The following CNTNAP5 variants were observed in gnomAD, a reference collection of about 807,000 sequenced individuals.
CNTNAP5 encodes contactin-associated protein-like 5.
CNTNAP5 carries 72 observed loss-of-function variants against 150.2 expected under a neutral mutation model. That is an observed-to-expected ratio of 0.48 (90% CI 0.40 to 0.58). CNTNAP5 has a LOEUF of 0.58. CNTNAP5 is among the 20% of genes least tolerant of loss of function. The probability of loss-of-function intolerance (pLI) is 0.00; values close to 1 mark genes in which losing one functional copy is unlikely to be tolerated. For synonymous variants in CNTNAP5, 672 were observed against 619.8 expected (o/e 1.08, Z -1.25); for missense variants, 1,636 against 1,626.2 (o/e 1.01, Z -0.10).
chr2:124,770,901 A>C (rs1024810041), intron 16 of CNTNAP5, among the ~76,000 whole-genome samples: 1 of 152,178 alleles, frequency 6.6e-6, no homozygotes. Context: ...TTTTATTCCC[A>C]TTTTACAGAC....
intron 1 of CNTNAP5, among the ~76,000 whole-genome samples, chr2:124,046,017 C>A (rs1441926802): frequency 6.6e-6 from 1 of 152,120 alleles, no homozygotes; most frequent in Non-Finnish European, 1.5e-5. Context: ...GCATCCATGA[C>A]CCAGAAAAGA....
chr2:124,785,298 G>T (rs1479438676), intron 17 of CNTNAP5, among the ~76,000 whole-genome samples: 1 of 152,188 alleles, frequency 6.6e-6, no homozygotes, highest in Non-Finnish European at 1.5e-5. Flanking sequence ...TATCTTAAAG[G>T]AGCTGACCCC....
At chr2:124,330,805 T>C (rs1689332881) in intron 3 of CNTNAP5, among the ~76,000 whole-genome samples, 1 of 152,136 alleles carries the variant, frequency 6.6e-6, no homozygotes, top group Non-Finnish European at 1.5e-5. Flanking sequence ...TTTACAAAAG[T>C]ATATATTACC....
At chr2:124,453,244 A>T (rs1424852537) in intron 6 of CNTNAP5, among the ~76,000 whole-genome samples, 1 of 152,196 alleles carries the variant, frequency 6.6e-6, no homozygotes, top group African/African-American at 2.4e-5. Flanking sequence ...TGCTCTCAAA[A>T]TTCTCAGCAA....
At chr2:124,442,449 T>G (rs1276196169) in intron 5 of CNTNAP5, among the ~76,000 whole-genome samples, 2 of 152,206 alleles carry the variant, frequency 1.3e-5, no homozygotes, top group Non-Finnish European at 2.9e-5. Flanking sequence ...ACAATCTATT[T>G]CACTAAATAA....
At chr2:124,663,262 G>A (rs191242618) in intron 13 of CNTNAP5, among the ~76,000 whole-genome samples, 3 of 152,118 alleles carry the variant, frequency 2.0e-5, no homozygotes, top group Admixed American at 6.6e-5. Flanking sequence ...CTGCCCAGAC[G>A]CCAGTTAGAC....
chr2:124,271,586 C>A lies in CNTNAP5; in HGVS notation c.381+29193C>A, dbSNP rs191649964. 2.0e-5 allele frequency among the ~76,000 whole-genome samples: 3 copies of A among 152,212 alleles called. No homozygotes were observed. In the East Asian group the frequency reaches 5.8e-4, roughly 29 times the overall value. ...TCAGGGTCTCTCTGAAGTTATACTT[C>A]TTAGGTTTTCATCAGAAAAACTTTG... On this transcript the variant is annotated intron_variant, in intron 3 of 23. Coordinates refer to ENST00000682447, the MANE Select transcript of CNTNAP5 (RefSeq NM_001367498.1).
At chr2:124,239,503 C>T (rs1057237626) in intron 2 of CNTNAP5, among the ~76,000 whole-genome samples, 7 of 151,986 alleles carry the variant, frequency 4.6e-5, no homozygotes, top group East Asian at 1.9e-4. Flanking sequence ...ATATTCTTTA[C>T]GCAATAAATC....
At chr2:124,527,572 T>C (rs1695003911) in intron 10 of CNTNAP5, 116 bp downstream of exon 10, 3 of 740,610 alleles carry the variant, frequency 4.1e-6, no homozygotes, top group Admixed American at 2.9e-5. Flanking sequence ...TTAGACATAA[T>C]TGAGTTGCCT....
At chr2:124,172,912 A>T (rs1321820400) in intron 1 of CNTNAP5, among the ~76,000 whole-genome samples, 1 of 152,164 alleles carries the variant, frequency 6.6e-6, no homozygotes, top group East Asian at 1.9e-4. Context: ...CTTTTTAAAA[A>T]TTGAATGTTT....
intron 11 of CNTNAP5, among the ~76,000 whole-genome samples, chr2:124,577,227 G>T (rs1471819351): frequency 6.6e-6 from 1 of 152,088 alleles, no homozygotes; most frequent in East Asian, 1.9e-4. Flanking sequence ...ACACTGGTGG[G>T]CTCCATAGCT....
At chr2:124,903,415 T>G (rs1419940774) in intron 22 of CNTNAP5, among the ~76,000 whole-genome samples, 1 of 152,134 alleles carries the variant, frequency 6.6e-6, no homozygotes, top group African/African-American at 2.4e-5. Context: ...TGGATACTGC[T>G]CCGAGAATTG....
intron 2 of CNTNAP5, among the ~76,000 whole-genome samples, chr2:124,226,681 C>T (rs933786238): frequency 6.6e-6 from 1 of 151,952 alleles, no homozygotes; most frequent in African/African-American, 2.4e-5. Context: ...GTTTCTTATA[C>T]AAGAATAGCT....
chr2:124,213,300 CAGTG>C (rs1255810845), intron 1 of CNTNAP5, among the ~76,000 whole-genome samples: 1 of 152,112 alleles, frequency 6.6e-6, no homozygotes, highest in African/African-American at 2.4e-5. Context: ...TTGGCTCTCT[CAGTG>C]AGAAAACTAA....
intron 1 of CNTNAP5, among the ~76,000 whole-genome samples, chr2:124,066,831 T>C (rs2104659455): frequency 6.6e-6 from 1 of 152,316 alleles, no homozygotes; most frequent in South Asian, 2.1e-4. Flanking sequence ...TTAATGGTAC[T>C]GTCCTTTTAA....
At chr2:124,445,867 G>A (rs531781140) in intron 5 of CNTNAP5, among the ~76,000 whole-genome samples, 2 of 152,194 alleles carry the variant, frequency 1.3e-5, no homozygotes, top group African/African-American at 2.4e-5. Context: ...TGCTAAGGTT[G>A]ACGCAAGTTC....
intron 21 of CNTNAP5, among the ~76,000 whole-genome samples, chr2:124,894,420 G>A (rs942611798): frequency 1.3e-5 from 2 of 151,484 alleles, no homozygotes; most frequent in African/African-American, 4.9e-5. Context: ...CAGTACACAT[G>A]AGTCATTTAT....
intron 1 of CNTNAP5, among the ~76,000 whole-genome samples, chr2:124,211,223 T>A (rs1404210939): frequency 6.6e-6 from 1 of 152,166 alleles, no homozygotes; most frequent in African/African-American, 2.4e-5. Context: ...CCTGGGAATA[T>A]CATTTTTCAA....
chr2:124,396,838 A>T (rs1386128850), intron 3 of CNTNAP5, among the ~76,000 whole-genome samples: 2 of 152,204 alleles, frequency 1.3e-5, no homozygotes, highest in Non-Finnish European at 2.9e-5. Flanking sequence ...CGATAACGAT[A>T]ACAACTGTTT....
Sources: allele counts gnomAD v4.1 joint callset (sites outside exome capture counted in the v4.1 genomes callset), GRCh38; gene constraint gnomAD v4.1.1; transcripts MANE v1.5; gene names NCBI Gene and HGNC (gene_info 2026-07-23, HGNC 2026-07-21).